Variants in GRIK2 observed in about 807,000 individuals in gnomAD.
The protein encoded by GRIK2 is glutamate receptor ionotropic, kainate 2.
GRIK2 carries 32 observed loss-of-function variants against 100.3 expected under a neutral mutation model. That is an observed-to-expected ratio of 0.32 (90% confidence interval 0.24 to 0.43). The LOEUF is 0.43. Ranked by LOEUF, GRIK2 falls within the 20% of genes least tolerant of loss-of-function variation. The pLI is 1.00. For synonymous variants in GRIK2, 417 were observed against 389.4 expected (o/e 1.07, Z -0.83); for missense variants, 843 against 1,114.9 (o/e 0.76, Z 3.47).
intron 15 of GRIK2, among the ~76,000 whole-genome samples, chr6:102,036,855 T>C (rs1770299168): frequency 6.6e-6 from 1 of 151,356 alleles, no homozygotes; most frequent in Non-Finnish European, 1.5e-5. Context: ...TCATAGCATA[T>C]TTTAATTACA....
At chr6:101,489,118 C>T (rs1175275827) in intron 2 of GRIK2, among the ~76,000 whole-genome samples, 1 of 146,074 alleles carries the variant, frequency 6.8e-6, no homozygotes, top group Non-Finnish European at 1.5e-5. Flanking sequence ...TAGAATACCC[C>T]CCATTCTGCT....
At chr6:101,495,661 G>A (rs1487300292) in intron 2 of GRIK2, among the ~76,000 whole-genome samples, 10 of 152,106 alleles carry the variant, frequency 6.6e-5, no homozygotes, top group Admixed American at 6.5e-4. Flanking sequence ...TCTTAATGTG[G>A]AATTACTGAA....
intron 14 of GRIK2, among the ~76,000 whole-genome samples, chr6:101,965,026 T>G (rs1404978895): frequency 6.6e-6 from 1 of 152,122 alleles, no homozygotes; most frequent in Non-Finnish European, 1.5e-5. Context: ...GCAGGAGAGA[T>G]GCATCTAAGC....
At chr6:101,898,731 T>C (rs887001998) in intron 12 of GRIK2, among the ~76,000 whole-genome samples, 1 of 152,034 alleles carries the variant, frequency 6.6e-6, no homozygotes, top group African/African-American at 2.4e-5. Context: ...TAGCTACGTG[T>C]ATTAAAAGAA....
chr6:101,931,679 A>G (rs1055543097), intron 14 of GRIK2, among the ~76,000 whole-genome samples: 5 of 152,004 alleles, frequency 3.3e-5, no homozygotes, highest in Non-Finnish European at 7.4e-5. Context: ...TTCTATATCC[A>G]TTACACACCA....
chr6:101,517,323 T>G (rs1774636162), intron 2 of GRIK2, among the ~76,000 whole-genome samples: 1 of 152,110 alleles, frequency 6.6e-6, no homozygotes, highest in African/African-American at 2.4e-5. Context: ...AAGTCTCTGT[T>G]TTCACACTGA....
intron 9 of GRIK2, among the ~76,000 whole-genome samples, chr6:101,815,739 C>CA (rs1484433991): frequency 1.3e-5 from 2 of 151,706 alleles, no homozygotes; most frequent in African/African-American, 4.8e-5. Flanking sequence ...TAAAACAAAA[C>CA]AAAACCTCTG....
intron 2 of GRIK2, among the ~76,000 whole-genome samples, chr6:101,552,737 A>G (rs919910404): frequency 1.3e-5 from 2 of 152,164 alleles, no homozygotes; most frequent in South Asian, 2.1e-4. Flanking sequence ...AGAATTGGCA[A>G]GGTGATGTAC....
chr6:101,869,017 C>T (rs1785223478), intron 11 of GRIK2, among the ~76,000 whole-genome samples: 2 of 151,628 alleles, frequency 1.3e-5, no homozygotes, highest in African/African-American at 4.8e-5. Flanking sequence ...CTAATTTTGT[C>T]AAGGGAAAGG....
intron 14 of GRIK2, among the ~76,000 whole-genome samples, chr6:101,961,479 T>C (rs1247287401): frequency 1.3e-5 from 2 of 152,100 alleles, no homozygotes; most frequent in Non-Finnish European, 2.9e-5. Context: ...AACAGCTAGC[T>C]GCAGCTGCAT....
chr6:101,955,598 CTCTCTCTCTCTCTCTCT>C (rs959374794), intron 14 of GRIK2, among the ~76,000 whole-genome samples: 46 of 150,108 alleles, frequency 3.1e-4, no homozygotes, highest in South Asian at 1.5e-3. Context: ...CTCTCTCTCT[CTCTCTCTCTCTCTCTCT>C]CCCCCCCATT....
intron 10 of GRIK2, among the ~76,000 whole-genome samples, chr6:101,831,733 T>C (rs1227551454): frequency 1.3e-5 from 2 of 152,214 alleles, no homozygotes; most frequent in African/African-American, 4.8e-5. Flanking sequence ...TCAATTTCTG[T>C]GTATTTTTTC....
At chr6:102,011,338 C>T (rs962205908) in intron 14 of GRIK2, among the ~76,000 whole-genome samples, 19 of 152,182 alleles carry the variant, frequency 1.2e-4, no homozygotes, top group Admixed American at 1.2e-3. Flanking sequence ...CTATCCATAG[C>T]TCTTCCTTGG....
chr6:101,928,680 G>T (rs757522755), intron 14 of GRIK2, 48 bp downstream of exon 14: 7 of 911,612 alleles, frequency 7.7e-6, no homozygotes, highest in East Asian at 7.3e-5. Flanking sequence ...ATGATAGAGC[G>T]CAAACTTCTC....
chr6:101,688,689 A>C (rs1220634346), intron 7 of GRIK2, among the ~76,000 whole-genome samples: 1 of 151,992 alleles, frequency 6.6e-6, no homozygotes, highest in African/African-American at 2.4e-5. Context: ...TCTATTAAAA[A>C]TCCTGGGCAT....
At chr6:101,666,859 C>T (rs757268322) in intron 4 of GRIK2, among the ~76,000 whole-genome samples, 3 of 152,076 alleles carry the variant, frequency 2.0e-5, no homozygotes, top group African/African-American at 2.4e-5. Context: ...TGTTGAGACA[C>T]ATATATACCA....
chr6:102,028,704 T>C (rs971653802), intron 14 of GRIK2, among the ~76,000 whole-genome samples: 1 of 148,038 alleles, frequency 6.8e-6, no homozygotes, highest in East Asian at 2.0e-4. Context: ...AATATAACTA[T>C]AAGGATAATA....
At chr6:101,697,623 G>A (rs1327440648) in intron 7 of GRIK2, among the ~76,000 whole-genome samples, 1 of 151,920 alleles carries the variant, frequency 6.6e-6, no homozygotes, top group East Asian at 1.9e-4. Context: ...CAGAATTAAA[G>A]GATGGATTTT....
At chr6:101,469,422 T>C (rs1274328449) in intron 2 of GRIK2, among the ~76,000 whole-genome samples, 1 of 152,164 alleles carries the variant, frequency 6.6e-6, no homozygotes, top group African/African-American at 2.4e-5. Context: ...TAGAAAATGT[T>C]AACCCACTGG....
Sources: gnomAD v4.1 joint callset for allele counts (sites outside exome capture counted in the v4.1 genomes callset) on GRCh38, gnomAD v4.1.1 for gene constraint, MANE v1.5 for transcripts, NCBI Gene and HGNC (gene_info 2026-07-23, HGNC 2026-07-21) for gene names.